Variants in RNF38 observed in about 807,000 individuals in gnomAD.
RNF38 encodes ring finger protein 38.
A neutral mutation model predicts 67.2 loss-of-function variants in RNF38; 15 were observed. That is an observed-to-expected ratio of 0.22 (90% confidence interval 0.15 to 0.34). RNF38 has a LOEUF of 0.34. Among genes scored for constraint, RNF38 ranks in the 10% least tolerant of loss-of-function variants. The pLI, the probability that RNF38 is intolerant of heterozygous loss-of-function variation, is 1.00. For missense variants in RNF38, 524 were observed against 639.9 expected (o/e 0.82, Z 1.95); for synonymous variants, 220 against 218.8 (o/e 1.01, Z -0.05).
At chr9:36,358,192 T>C in intron 4 of RNF38, among the ~76,000 whole-genome samples, 1 of 152,162 alleles carries the variant, frequency 6.6e-6, no homozygotes, top group East Asian at 1.9e-4. Flanking sequence ...CCCAGGGAAA[T>C]AATGGATTAC....
In RNF38 at chr9:36,341,874, C is replaced by A. The variant is rs1319219802; in HGVS notation, c.1485+451G>T. ...TATATATATATATATATAAAGAAGC[C>A]CCTGCAATAATTTCACTCTGGCATA... On this transcript the variant is annotated intron_variant, in intron 11 of 11. Transcript: ENST00000259605. Among the ~76,000 whole-genome samples, 8 of 46,654 alleles carry A rather than the reference C, an allele frequency of 1.7e-4. 1 individual carries two copies. The highest frequency in any genetic ancestry group is 4.0e-4 in the African/African-American group (6 of 14,884). The allele number at this position is 46,654 out of a possible 152,430, so 30.6% of individuals were successfully genotyped here.
chr9:36,453,159 T>C (rs1839500366), intron 1 of RNF38, among the ~76,000 whole-genome samples: 1 of 152,180 alleles, frequency 6.6e-6, no homozygotes, highest in African/African-American at 2.4e-5. Context: ...TGACAACGTG[T>C]TGTTGTCTGT....
chr9:36,358,867 T>A (rs7467871), intron 4 of RNF38, among the ~76,000 whole-genome samples: 52,686 of 151,960 alleles, frequency 0.35, 9,197 homozygotes, highest in Middle Eastern at 0.48. Context: ...AAAAATTAGC[T>A]GGGAGTGGTG....
intron 1 of RNF38, among the ~76,000 whole-genome samples, chr9:36,465,657 A>T (rs1839841594): frequency 6.6e-6 from 1 of 152,200 alleles, no homozygotes; most frequent in Non-Finnish European, 1.5e-5. Context: ...TAGCAGCATT[A>T]TTCATAATCA....
At chr9:36,423,948 C>CAAAAAAAA (rs1176900248) in intron 2 of RNF38, among the ~76,000 whole-genome samples, 1 of 7,408 alleles carries the variant, frequency 1.3e-4, no homozygotes, top group African/African-American at 4.4e-4. Flanking sequence ...GACTCCGTCT[C>CAAAAAAAA]AAAAAAAAAA....
chr9:36,442,878 A>G (rs989852949), intron 1 of RNF38, among the ~76,000 whole-genome samples: 3 of 152,222 alleles, frequency 2.0e-5, no homozygotes, highest in African/African-American at 7.2e-5. Flanking sequence ...GTTTCTGGAA[A>G]ATTTGCAGCT....
At chr9:36,433,154 G>C (rs564712320) in intron 1 of RNF38, among the ~76,000 whole-genome samples, 71 of 151,400 alleles carry the variant, frequency 4.7e-4, no homozygotes, top group African/African-American at 1.7e-3. Context: ...GGCTGGGTGG[G>C]GGAAGTAAGG....
upstream of RNF38, chr9:36,400,536 G>A (rs978432508): frequency 2.5e-5 from 25 of 990,046 alleles, no homozygotes; most frequent in Non-Finnish European, 2.9e-5. Flanking sequence ...TGCAGCCAAC[G>A]GCCGCGGCGG....
Position 36,416,061 on chromosome 9 carries a change from T to C in RNF38, n.312+8552A>G, listed in dbSNP as rs7030673. Among the ~76,000 whole-genome samples, 568 of 151,800 alleles carry C rather than the reference T, an allele frequency of 3.7e-3. 3 individuals carry two copies. The highest frequency in any genetic ancestry group is 0.013 in the African/African-American group (544 of 41,350). ...ATTTATCAGGTGATGGGTGGCACCA[T>C]AGAGCTCTCAAGATATTATGTGTTT... On this transcript the variant is annotated intron_variant and non_coding_transcript_variant, in intron 2 of 3. Coordinates refer to the RNF38 transcript ENST00000488058.
intron 2 of RNF38, among the ~76,000 whole-genome samples, chr9:36,418,777 C>T (rs1838539992): frequency 6.6e-6 from 1 of 151,714 alleles, no homozygotes; most frequent in Non-Finnish European, 1.5e-5. Context: ...CAGAGCAAGA[C>T]TCTGTCTCAA....
At chr9:36,366,428 T>G (rs1430600568) in intron 4 of RNF38, among the ~76,000 whole-genome samples, 1 of 152,212 alleles carries the variant, frequency 6.6e-6, no homozygotes, top group Non-Finnish European at 1.5e-5. Context: ...TCAGTGTTAA[T>G]GTATCTTTTA....
intron 2 of RNF38, among the ~76,000 whole-genome samples, chr9:36,377,189 T>C (rs1835854190): frequency 6.6e-6 from 1 of 152,142 alleles, no homozygotes; most frequent in Non-Finnish European, 1.5e-5. Flanking sequence ...AGTTACAAAT[T>C]GACTGAAAAT....
chr9:36,349,201 A>C (rs1301753481), intron 9 of RNF38, among the ~76,000 whole-genome samples: 1 of 152,264 alleles, frequency 6.6e-6, no homozygotes, highest in African/African-American at 2.4e-5. Flanking sequence ...AAGATGTACA[A>C]AGAGATGAAT....
At chr9:36,487,503 C>CGGCGGCGGCTGCTGA (rs1421186896) in exon 1 of RNF38, 4 of 980,628 alleles carry the variant, frequency 4.1e-6, no homozygotes, top group South Asian at 4.5e-5. Context: ...AAGTGCGCGG[C>CGGCGGCGGCTGCTGA]GGCGGCGGCT....
chr9:36,372,907 T>C (rs1233837985), intron 3 of RNF38, among the ~76,000 whole-genome samples: 2 of 152,144 alleles, frequency 1.3e-5, no homozygotes, highest in East Asian at 1.9e-4. Context: ...CCTAACAGTA[T>C]TGTTTATAAT....
intron 2 of RNF38, among the ~76,000 whole-genome samples, chr9:36,420,338 C>T (rs1238036086): frequency 6.6e-6 from 1 of 151,928 alleles, no homozygotes; most frequent in Non-Finnish European, 1.5e-5. Context: ...CGAGACCATC[C>T]TGGCTAACAC....
In RNF38 at chr9:36,375,924, A is replaced by G. The variant is rs1434643619; in HGVS notation, c.356+10T>C. ...AAGAAAACTTAAGAAATAAATTGTA[A>G]TCAACTAACCTTCTTCTGTTGCGTG... On this transcript the variant is annotated intron_variant, in intron 3 of 11. Transcript: ENST00000259605. The G allele has an allele frequency of 6.3e-7, 1 of 1,588,562 alleles. No homozygotes were observed. Among genetic ancestry groups the G allele is most frequent in the South Asian group, 1.2e-5 (1 of 85,016 alleles).
At position 36,367,506 on chromosome 9, in the gene RNF38, CAAT is replaced by C. The variant is rs551776526; in HGVS notation, c.570+2210_570+2212del. 1.7e-4 allele frequency among the ~76,000 whole-genome samples: 26 copies of C among 151,962 alleles called. 1 individual carries two copies. The East Asian group carries it at 1.7e-3, about 10-fold the overall frequency. ...ATACTGAACCCATGCAGGACGGGTT[CAAT>C]ATTATGTTATTCTTTTAATACATCA... On this transcript the variant is annotated intron_variant, in intron 4 of 11. Transcript: ENST00000259605.
At position 36,336,944 on chromosome 9, in the gene RNF38, T is replaced by A. The variant is rs769459947; in HGVS notation, c.*2808A>T. 6.6e-6 allele frequency: 1 copy of A among 152,140 alleles called. No homozygotes were observed. Among genetic ancestry groups the A allele is most frequent in the Non-Finnish European group, 1.5e-5 (1 of 68,020 alleles). 9.4% of individuals were successfully genotyped at this position (152,140 alleles called of 1,614,324 possible). On this transcript the variant is annotated 3_prime_UTR_variant, in exon 12 of 12. Coordinates refer to ENST00000259605, the MANE Select transcript of RNF38 (RefSeq NM_022781.5). Reference sequence around the variant, plus strand: ...AAGGACAGAAAATCCTAATATGAGATCTTGATACCTGGAGGCCTTATTTTT... The same window carrying A: ...AAGGACAGAAAATCCTAATATGAGAACTTGATACCTGGAGGCCTTATTTTT...
Sources: allele counts gnomAD v4.1 joint callset (sites outside exome capture counted in the v4.1 genomes callset), GRCh38; gene constraint gnomAD v4.1.1; transcripts MANE v1.5; gene names NCBI Gene and HGNC (gene_info 2026-07-23, HGNC 2026-07-21).